The following ORC4 variants were observed in gnomAD, a reference collection of about 807,000 sequenced individuals.
The protein encoded by ORC4 is origin recognition complex subunit 4.
ORC4 carries 55 observed loss-of-function variants against 63.9 expected under a neutral mutation model. The observed-to-expected ratio is 0.86, with a 90% CI of 0.69 to 1.08. The LOEUF (loss-of-function observed/expected upper bound fraction) is 1.08. ORC4 is among the 50% of genes least tolerant of loss of function. The pLI, the probability that ORC4 is intolerant of heterozygous loss-of-function variation, is 0.00. For missense variants in ORC4, 511 were observed against 504.4 expected (o/e 1.01, Z -0.13); for synonymous variants, 150 against 168.5 (o/e 0.89, Z 0.85).
chr2:147,952,798 G>C (rs1356865609), intron 7 of ORC4, among the ~76,000 whole-genome samples: 1 of 149,630 alleles, frequency 6.7e-6, no homozygotes, highest in Non-Finnish European at 1.5e-5. Flanking sequence ...AGGCTGAGGT[G>C]GGTGGATCAC....
At position 147,975,623 on chromosome 2, in the gene ORC4, AT is replaced by A. The variant is rs1196418896; in HGVS notation, c.57+278del. Among the ~76,000 whole-genome samples, 8 of 152,296 alleles carry A rather than the reference AT, an allele frequency of 5.3e-5. No homozygotes were observed. The East Asian group carries it at 7.7e-4, about 15-fold the overall frequency. Reference sequence around the variant, plus strand: ...GTATAAAACACTAATATTAAAAAAAATATATGAACTGACAAAAAGGGCAGAG... The same window carrying A: ...GTATAAAACACTAATATTAAAAAAAAATATGAACTGACAAAAAGGGCAGAG... On this transcript the variant is annotated intron_variant, in intron 2 of 13. Coordinates refer to ENST00000392857, the MANE Select transcript of ORC4 (RefSeq NM_181741.4).
intron 8 of ORC4, among the ~76,000 whole-genome samples, chr2:147,951,032 G>A (rs1348699282): frequency 1.3e-5 from 2 of 151,638 alleles, no homozygotes; most frequent in East Asian, 1.9e-4. Context: ...GATATGTGGA[G>A]CACCAGCCAG....
intron 1 of ORC4, among the ~76,000 whole-genome samples, chr2:147,998,095 A>C (rs1220491500): frequency 1.3e-5 from 2 of 152,172 alleles, no homozygotes; most frequent in African/African-American, 4.8e-5. Flanking sequence ...ACATAAACAA[A>C]CCATACAAGT....
At chr2:147,970,804 T>C (rs1302580454) in intron 4 of ORC4, among the ~76,000 whole-genome samples, 1 of 152,054 alleles carries the variant, frequency 6.6e-6, no homozygotes, top group Non-Finnish European at 1.5e-5. Context: ...AAAATCATAA[T>C]ACATGATAGA....
chr2:147,948,186 T>C lies in ORC4; in HGVS notation c.627A>G (p.Arg209=), dbSNP rs1688759332. Reference sequence around the variant, plus strand: ...TTAAGTGTATCTGCCGGTGAGAAAATCTTGACTTCACTCTTTTTTCTAAGA... The same window carrying C: ...TTAAGTGTATCTGCCGGTGAGAAAACCTTGACTTCACTCTTTTTTCTAAGA... ...LELLEKRVKS[R]FSHRQIHLMN... is the part of the protein sequence containing the mutation. Residue 209 remains arginine, a synonymous_variant, in exon 9 of 14, where the codon AGA becomes AGG. Coordinates refer to ENST00000392857, the MANE Select transcript of ORC4 (RefSeq NM_181741.4). The C allele has an allele frequency of 2.5e-6, 4 of 1,610,050 alleles. No individual in the cohort carries two copies. The highest frequency in any genetic ancestry group is 3.4e-6 in the Non-Finnish European group (4 of 1,177,384).
Position 147,958,352 on chromosome 2 carries a change from T to C in ORC4, c.333A>G (p.Leu111=). The change falls in exon 6 of 14, where the codon CTA becomes CTG. Residue 111 remains leucine, a synonymous_variant. Coordinates refer to ENST00000392857, the MANE Select transcript of ORC4 (RefSeq NM_181741.4). ...GLLQINDKIA[L]KEITRQLNLE... ...GATTTAACTGCCTTGTGATTTCCTT[T>C]AGGGCGATTTTGTCATTGATCTGCA... 6.2e-7 allele frequency: 1 copy of C among 1,612,612 alleles called. No individual in the cohort carries two copies. The highest frequency in any genetic ancestry group is 1.3e-5 in the African/African-American group (1 of 74,996).
rs199966043 is a variant in ORC4, at chr2:148,012,748, GA to G, written c.-18+7884del. 1.1e-4 allele frequency among the ~76,000 whole-genome samples: 17 copies of G among 149,966 alleles called. 1 individual carries two copies. The highest frequency in any genetic ancestry group is 2.9e-4 in the African/African-American group (12 of 40,934). ...ATAAGAATCTCAAACGACTCAATAG[GA>G]AAAAAAAATCTGATTTTAAAATGGG... On this transcript the variant is annotated intron_variant, in intron 1 of 13. Coordinates refer to ENST00000392857, the MANE Select transcript of ORC4 (RefSeq NM_181741.4).
intron 1 of ORC4, among the ~76,000 whole-genome samples, chr2:147,998,585 T>C (rs1029983957): frequency 3.3e-5 from 5 of 152,204 alleles, no homozygotes; most frequent in Admixed American, 2.6e-4. Flanking sequence ...TTGTGAAGTA[T>C]GAAAGATCTT....
intron 10 of ORC4, among the ~76,000 whole-genome samples, chr2:147,940,402 A>G (rs1688301304): frequency 6.6e-6 from 1 of 152,118 alleles, no homozygotes. Flanking sequence ...CCATCCCACT[A>G]CAGGGCATCT....
chr2:147,962,342 T>C (rs950996391), intron 4 of ORC4, among the ~76,000 whole-genome samples: 7 of 151,974 alleles, frequency 4.6e-5, no homozygotes, highest in African/African-American at 1.7e-4. Context: ...GAGAATAAGG[T>C]ATGCACTCTC....
intron 1 of ORC4, among the ~76,000 whole-genome samples, chr2:148,004,146 G>C (rs1455724967): frequency 6.6e-6 from 1 of 152,114 alleles, no homozygotes; most frequent in Non-Finnish European, 1.5e-5. Flanking sequence ...CATGCGCATG[G>C]ATAGGAAGGA....
rs1015244531 is a variant in ORC4, at chr2:147,935,136, C to T, written c.*374G>A. ...GTACCAAAGGTTACTTATTATACTT[C>T]AGTGCTTACCATTGTTTTTTTTACT... On this transcript the variant is annotated 3_prime_UTR_variant, in exon 14 of 14. Coordinates refer to ENST00000392857, the MANE Select transcript of ORC4 (RefSeq NM_181741.4). 5.7e-5 allele frequency: 12 copies of T among 209,324 alleles called. No homozygotes were observed. The highest frequency in any genetic ancestry group is 2.3e-4 in the African/African-American group (10 of 42,648). 13.0% of individuals were successfully genotyped at this position (209,324 alleles called of 1,614,324 possible).
Position 147,939,266 on chromosome 2 carries a change from A to C in ORC4, c.850-18T>G, listed in dbSNP as rs1401027955. 1 of 1,521,826 alleles carries C rather than the reference A, an allele frequency of 6.6e-7. No homozygotes were observed. The highest frequency in any genetic ancestry group is 9.1e-7 in the Non-Finnish European group (1 of 1,096,284). 94.3% of individuals were successfully genotyped at this position (1,521,826 alleles called of 1,614,324 possible). A position where few individuals can be genotyped will look rare whatever the true frequency, so the allele number is the denominator to read the frequency against. On this transcript the variant is annotated intron_variant, in intron 10 of 13. Transcript: ENST00000392857. Reference sequence around the variant, plus strand: ...GCAAGCATCTAGGGAAAGACAGATCAGAAAAACAATTACGTATTTACATGG... The same window carrying C: ...GCAAGCATCTAGGGAAAGACAGATCCGAAAAACAATTACGTATTTACATGG...
chr2:147,996,011 A>AC (rs1243434159), intron 1 of ORC4, among the ~76,000 whole-genome samples: 1 of 151,966 alleles, frequency 6.6e-6, no homozygotes, highest in Non-Finnish European at 1.5e-5. Flanking sequence ...AAAAAAAAAA[A>AC]AACAAAAAAC....
chr2:148,006,389 A>G (rs907552998), intron 1 of ORC4, among the ~76,000 whole-genome samples: 1 of 152,184 alleles, frequency 6.6e-6, no homozygotes, highest in African/African-American at 2.4e-5. Flanking sequence ...GTGACAGGCC[A>G]CAAGGACTGC....
chr2:147,973,631 A>G (rs1690356555), intron 2 of ORC4, 107 bp from the exon 3 acceptor site: 3 of 658,484 alleles, frequency 4.6e-6, no homozygotes, highest in East Asian at 2.8e-5. Flanking sequence ...TAATGAATCA[A>G]TTCAACCCTC....
At position 147,939,396 on chromosome 2, in the gene ORC4, A is replaced by G; in HGVS notation, c.850-148T>C. The stretch of plus-strand genomic sequence containing the variant: ...GGTATTCTCAAATTCAGTTGTATTA[A>G]AATACAGTATTTCAATTTGTGTGTC... On this transcript the variant is annotated intron_variant, in intron 10 of 13. Coordinates refer to ENST00000392857, the MANE Select transcript of ORC4 (RefSeq NM_181741.4). 4 of 649,094 alleles carry G rather than the reference A, an allele frequency of 6.2e-6. No homozygotes were observed. The Admixed American group carries it at 8.8e-5, about 14-fold the overall frequency. The allele number at this position is 649,094 out of a possible 1,614,324, so 40.2% of individuals were successfully genotyped here.
chr2:147,992,024 T>G (rs1209657473), intron 1 of ORC4, among the ~76,000 whole-genome samples: 1 of 152,184 alleles, frequency 6.6e-6, no homozygotes, highest in African/African-American at 2.4e-5. Context: ...ACAAAAGAAC[T>G]AACACAAATT....
intron 4 of ORC4, among the ~76,000 whole-genome samples, chr2:147,963,416 T>C (rs752744403): frequency 2.6e-5 from 4 of 152,160 alleles, no homozygotes; most frequent in Non-Finnish European, 5.9e-5. Context: ...AGGACGCCTC[T>C]AGTGGGCATG....
Sources: allele counts gnomAD v4.1 joint callset (sites outside exome capture counted in the v4.1 genomes callset), GRCh38; gene constraint gnomAD v4.1.1; transcripts MANE v1.5; gene names NCBI Gene and HGNC (gene_info 2026-07-23, HGNC 2026-07-21).